Variants in IL21R observed in about 807,000 individuals in gnomAD.
IL21R encodes the protein interleukin-21 receptor.
A neutral mutation model predicts 41.3 loss-of-function variants in IL21R; 14 were observed. The observed-to-expected ratio is 0.34, with a 90% CI of 0.22 to 0.53. IL21R has a LOEUF of 0.53. Ranked by LOEUF, IL21R falls within the 20% of genes least tolerant of loss-of-function variation. IL21R has a pLI of 0.94. For synonymous variants in IL21R, 286 were observed against 287.6 expected (o/e 0.99, Z 0.05); for missense variants, 588 against 681.6 (o/e 0.86, Z 1.53).
At chr16:27,405,556 GAA>G (rs2086729787) in intron 1 of IL21R, among the ~76,000 whole-genome samples, 2 of 152,194 alleles carry the variant, frequency 1.3e-5, no homozygotes, top group African/African-American at 4.8e-5. Context: ...AGGGAGCAGT[GAA>G]AAGAGGGGAA....
At chr16:27,425,513 C>G (rs369376309) in intron 1 of IL21R, among the ~76,000 whole-genome samples, 11 of 152,074 alleles carry the variant, frequency 7.2e-5, no homozygotes, top group East Asian at 5.8e-4. Context: ...CAATTTGGTG[C>G]TATCGCATCT....
intron 1 of IL21R, among the ~76,000 whole-genome samples, chr16:27,409,960 T>C (rs1262972533): frequency 6.6e-6 from 1 of 152,198 alleles, no homozygotes; most frequent in Non-Finnish European, 1.5e-5. Flanking sequence ...AATTTTCCAA[T>C]CCATGAACAT....
chr16:27,437,320 C>T (rs963051062), intron 3 of IL21R, among the ~76,000 whole-genome samples, 168 bp from the exon 4 acceptor site: 12 of 152,134 alleles, frequency 7.9e-5, no homozygotes, highest in African/African-American at 2.4e-4. Flanking sequence ...GGAGGTGATA[C>T]CTTCCCTGGG....
At position 27,402,445 on chromosome 16, in the gene IL21R, T is replaced by C. The variant is rs1028491702; in HGVS notation, c.-190T>C. The C allele has an allele frequency of 6.5e-6, 1 of 152,812 alleles. No individual in the cohort carries two copies. The highest frequency in any genetic ancestry group is 2.4e-5 in the African/African-American group (1 of 41,576). 9.5% of individuals were successfully genotyped at this position (152,812 alleles called of 1,614,324 possible). On this transcript the variant is annotated 5_prime_UTR_variant, in exon 1 of 9. An upstream start codon of the reference 5' UTR is lost. Transcript: ENST00000337929. The stretch of plus-strand genomic sequence containing the variant: ...CCCGTCATCAGAGTGACAGGTCTTA[T>C]GACAGCCTGATTGGTGACTCGGGCT...
rs1217071764 is a variant in IL21R at position 27,440,248 on chromosome 16, T to TAGAGAGAG, written c.352+2586_352+2593dup. Among the ~76,000 whole-genome samples, 438 of 64,030 alleles carry TAGAGAGAG rather than the reference T, an allele frequency of 6.8e-3. 2 individuals are homozygous for TAGAGAGAG. The highest frequency in any genetic ancestry group is 0.011 in the Admixed American group (61 of 5,478). The allele number at this position is 64,030 out of a possible 152,430, so 42.0% of individuals were successfully genotyped here. A position where few individuals can be genotyped will look rare whatever the true frequency, so the allele number is the denominator to read the frequency against. On this transcript the variant is annotated intron_variant, in intron 4 of 8. Coordinates refer to ENST00000337929, the MANE Select transcript of IL21R (RefSeq NM_181078.3). ...ATATATATATATATATATATATATA[T>TAGAGAGAG]AGAGAGAGAGAGAGAGAGAGAGAGA...
intron 1 of IL21R, among the ~76,000 whole-genome samples, chr16:27,411,153 T>G (rs779212240): frequency 6.6e-5 from 10 of 152,178 alleles, no homozygotes; most frequent in Admixed American, 2.6e-4. Context: ...GAGATGCTGT[T>G]TTTATTTCTT....
intron 4 of IL21R, among the ~76,000 whole-genome samples, chr16:27,438,972 C>T (rs966229285): frequency 1.3e-4 from 20 of 151,876 alleles, no homozygotes; most frequent in South Asian, 2.1e-4. Context: ...GTACCCAAAG[C>T]GGCCCCAGAG....
chr16:27,412,338 C>A (rs934759569), intron 1 of IL21R, among the ~76,000 whole-genome samples: 2 of 151,828 alleles, frequency 1.3e-5, no homozygotes, highest in African/African-American at 4.8e-5. Context: ...ATTACTGTAG[C>A]TTTTTAATAC....
intron 3 of IL21R, among the ~76,000 whole-genome samples, chr16:27,436,444 A>C (rs992077223): frequency 2.6e-5 from 4 of 151,956 alleles, no homozygotes; most frequent in African/African-American, 9.7e-5. Flanking sequence ...GGTGAGGGGG[A>C]ATAAGGAGCA....
intron 4 of IL21R, among the ~76,000 whole-genome samples, chr16:27,439,538 A>G (rs944252024): frequency 1.3e-5 from 2 of 151,058 alleles, no homozygotes. Flanking sequence ...ACGCACATAT[A>G]CACATACTCA....
chr16:27,449,121 G>A lies in IL21R; in HGVS notation c.1455G>A (p.Leu485=). 6.2e-7 allele frequency: 1 copy of A among 1,613,560 alleles called. No homozygotes were observed. The change falls in exon 9 of 9, where the codon CTG becomes CTA. Residue 485 remains leucine (L), a synonymous_variant. Coordinates refer to ENST00000337929, the MANE Select transcript of IL21R (RefSeq NM_181078.3). The stretch of plus-strand genomic sequence containing the variant: ...AGGCGGGCTCACCCCTGGCCGGCCT[G>A]GATATGGACACGTTTGACAGTGGCT... ...ESEAGSPLAG[L]DMDTFDSGFV...
Position 27,448,556 on chromosome 16 carries a change from C to T in IL21R, c.890C>T (p.Thr297Ile). Reference protein sequence around the residue: ...DFKKWVGAPFTGSSLELGPWS... With the variant: ...DFKKWVGAPFIGSSLELGPWS... ...CAGAAATGGGTGGGTGCACCCTTCA[C>T]TGGCTCCAGCCTGGAGCTGGGACCC... The change falls in exon 9 of 9, where the codon ACT becomes ATT. Residue 297 changes from threonine to isoleucine, a missense_variant. Transcript: ENST00000337929. 6.2e-7 allele frequency: 1 copy of T among 1,608,420 alleles called. No individual in the cohort carries two copies.
chr16:27,429,917 G>A (rs781419749), intron 1 of IL21R, 139 bp from the exon 2 acceptor site: 17 of 648,372 alleles, frequency 2.6e-5, no homozygotes, highest in Admixed American at 5.8e-5. Context: ...GTCATCCACA[G>A]GCCCCTCGGG....
At chr16:27,415,999 G>A (rs1297469575) in intron 1 of IL21R, among the ~76,000 whole-genome samples, 1 of 152,170 alleles carries the variant, frequency 6.6e-6, no homozygotes, top group Non-Finnish European at 1.5e-5. Flanking sequence ...AAGTCCTCTT[G>A]TACAAAGTCC....
chr16:27,431,714 A>G (rs144696145), intron 2 of IL21R, among the ~76,000 whole-genome samples: 2,041 of 151,658 alleles, frequency 0.013, 50 homozygotes, highest in African/African-American at 0.047. Flanking sequence ...GCAATGGTGC[A>G]ATCTTGGCTC....
At chr16:27,430,004 C>A in intron 1 of IL21R, 52 bp from the exon 2 acceptor site, 1 of 1,500,200 alleles carries the variant, frequency 6.7e-7, no homozygotes, top group Non-Finnish European at 9.1e-7. Flanking sequence ...AGGGGGAGGC[C>A]GGGGGAGCCC....
chr16:27,427,088 T>A (rs1195374141), intron 1 of IL21R, among the ~76,000 whole-genome samples: 1 of 151,292 alleles, frequency 6.6e-6, no homozygotes. Flanking sequence ...GTCAGTTTTC[T>A]AGAGTTCTAG....
chr16:27,443,784 A>G (rs2087431763), intron 5 of IL21R, among the ~76,000 whole-genome samples: 1 of 91,962 alleles, frequency 1.1e-5, no homozygotes, highest in Non-Finnish European at 2.5e-5. Flanking sequence ...CTCGATCTCA[A>G]AAAAAAAAAA....
intron 2 of IL21R, 111 bp downstream of exon 2, chr16:27,430,231 G>C: frequency 3.4e-6 from 3 of 885,148 alleles, no homozygotes; most frequent in Non-Finnish European, 5.3e-6. Context: ...CACAGATTCA[G>C]AAAAGATGAC....
Sources: allele counts gnomAD v4.1 joint callset (sites outside exome capture counted in the v4.1 genomes callset), GRCh38; gene constraint gnomAD v4.1.1; transcripts MANE v1.5; gene names NCBI Gene and HGNC (gene_info 2026-07-23, HGNC 2026-07-21).